Variants in VWA2 observed in about 807,000 individuals in gnomAD.
VWA2 encodes the protein von Willebrand factor A domain containing 2.
VWA2 carries 73 observed loss-of-function variants against 70.4 expected under a neutral mutation model. That is an observed-to-expected ratio of 1.04 (90% confidence interval 0.86 to 1.26). The LOEUF is 1.26. Among genes scored for constraint, VWA2 ranks in the 50% most tolerant of loss-of-function variants. The pLI, the probability that VWA2 is intolerant of heterozygous loss-of-function variation, is 0.00. For missense variants in VWA2, 1,011 were observed against 998.5 expected (o/e 1.01, Z -0.17); for synonymous variants, 407 against 423.3 (o/e 0.96, Z 0.47).
intron 4 of VWA2, among the ~76,000 whole-genome samples, chr10:114,255,712 A>G (rs1171392845): frequency 1.3e-5 from 2 of 152,166 alleles, no homozygotes; most frequent in African/African-American, 2.4e-5. Flanking sequence ...TGTTCTTCAA[A>G]TAGTAGGTCT....
intron 5 of VWA2, among the ~76,000 whole-genome samples, chr10:114,264,730 C>CT (rs933380552): frequency 2.0e-5 from 3 of 146,974 alleles, no homozygotes; most frequent in Admixed American, 6.8e-5. Flanking sequence ...ACTTTTTTTT[C>CT]TTTTTTTGAG....
intron 6 of VWA2, among the ~76,000 whole-genome samples, chr10:114,274,568 G>A (rs980421896): frequency 1.3e-5 from 2 of 152,116 alleles, no homozygotes; most frequent in East Asian, 3.9e-4. Context: ...TCCGCCTCCT[G>A]GGTTCAAGCG....
chr10:114,244,031 G>A (rs1471270291), intron 1 of VWA2, among the ~76,000 whole-genome samples: 1 of 152,226 alleles, frequency 6.6e-6, no homozygotes, highest in Non-Finnish European at 1.5e-5. Context: ...GATGAGCGAG[G>A]TGTAACGGAA....
intron 8 of VWA2, among the ~76,000 whole-genome samples, chr10:114,279,437 G>A (rs1010285818): frequency 3.3e-5 from 5 of 152,156 alleles, no homozygotes; most frequent in Non-Finnish European, 7.4e-5. Context: ...CCTTTCTGGG[G>A]GGCCGGGGCA....
intron 4 of VWA2, among the ~76,000 whole-genome samples, chr10:114,259,477 T>C (rs2037398841): frequency 6.6e-6 from 1 of 152,132 alleles, no homozygotes; most frequent in African/African-American, 2.4e-5. Flanking sequence ...AAGTTGTTTT[T>C]TTTTTTTCAT....
chr10:114,273,369 G>A (rs1296561986), intron 6 of VWA2, among the ~76,000 whole-genome samples: 2 of 152,132 alleles, frequency 1.3e-5, no homozygotes, highest in African/African-American at 4.8e-5. Flanking sequence ...TGTGGACGGT[G>A]CCCAGCTCAC....
chr10:114,279,434 G>A (rs541971384), intron 8 of VWA2, among the ~76,000 whole-genome samples: 1 of 151,962 alleles, frequency 6.6e-6, no homozygotes, highest in African/African-American at 2.4e-5. Context: ...CTCCCTTTCT[G>A]GGGGGCCGGG....
chr10:114,275,641 A>G (rs2037825490), intron 6 of VWA2, among the ~76,000 whole-genome samples: 1 of 152,158 alleles, frequency 6.6e-6, no homozygotes, highest in African/African-American at 2.4e-5. Flanking sequence ...ATACAATAAA[A>G]ATGAGGCCGG....
intron 1 of VWA2, among the ~76,000 whole-genome samples, chr10:114,240,126 TGA>T (rs1384793768): frequency 1.3e-5 from 2 of 152,120 alleles, no homozygotes; most frequent in Non-Finnish European, 2.9e-5. Context: ...AAGCAGAACC[TGA>T]GAGGGGCCGG....
chr10:114,245,919 A>G (rs1345234574), intron 1 of VWA2, among the ~76,000 whole-genome samples: 11 of 152,222 alleles, frequency 7.2e-5, no homozygotes, highest in Admixed American at 7.2e-4. Flanking sequence ...GGAGCTCTAT[A>G]GACAGTTCCA....
At chr10:114,258,265 C>T (rs2037372427) in intron 4 of VWA2, among the ~76,000 whole-genome samples, 1 of 152,108 alleles carries the variant, frequency 6.6e-6, no homozygotes, top group Admixed American at 6.5e-5. Context: ...CCATGTTTTA[C>T]TTTTTTTAAC....
At chr10:114,249,188 G>A (rs1417123845) in intron 2 of VWA2, among the ~76,000 whole-genome samples, 3 of 151,886 alleles carry the variant, frequency 2.0e-5, no homozygotes, top group Non-Finnish European at 2.9e-5. Flanking sequence ...CCCACCACTC[G>A]ACAGGCCCCA....
At chr10:114,278,940 C>A (rs984844898) in intron 8 of VWA2, 89 bp downstream of exon 8, 7 of 1,563,026 alleles carry the variant, frequency 4.5e-6, no homozygotes, top group Non-Finnish European at 6.1e-6. Context: ...GGGGCCCTGC[C>A]ATGGAGATTG....
intron 5 of VWA2, among the ~76,000 whole-genome samples, chr10:114,266,008 C>A (rs185873477): frequency 1.7e-4 from 26 of 152,020 alleles, no homozygotes; most frequent in Middle Eastern, 3.4e-3. Flanking sequence ...TTTAAATTTT[C>A]AACTTTTGGC....
intron 7 of VWA2, 70 bp from the exon 8 acceptor site, chr10:114,278,649 G>A: frequency 1.3e-6 from 2 of 1,593,486 alleles, no homozygotes; most frequent in Admixed American, 3.4e-5. Flanking sequence ...AGCTGCTGGG[G>A]AAGCGTGTGT....
chr10:114,266,505 A>G (rs1192780495), intron 5 of VWA2, among the ~76,000 whole-genome samples: 1 of 152,162 alleles, frequency 6.6e-6, no homozygotes, highest in African/African-American at 2.4e-5. Context: ...TTCCAGACCG[A>G]GGCAGTCCCC....
At chr10:114,251,741 C>G (rs548036907) in intron 2 of VWA2, among the ~76,000 whole-genome samples, 3 of 151,622 alleles carry the variant, frequency 2.0e-5, no homozygotes, top group Non-Finnish European at 2.9e-5. Flanking sequence ...GGAACAGAAC[C>G]GCATTATGGG....
intron 5 of VWA2, 57 bp from the exon 6 acceptor site, chr10:114,272,683 A>T: frequency 6.9e-7 from 1 of 1,450,574 alleles, no homozygotes; most frequent in Non-Finnish European, 9.2e-7. Context: ...TCTCATCCCA[A>T]CTTCACCTCC....
intron 1 of VWA2, among the ~76,000 whole-genome samples, chr10:114,240,621 A>G (rs1335155044): frequency 6.6e-6 from 1 of 152,220 alleles, no homozygotes; most frequent in Non-Finnish European, 1.5e-5. Flanking sequence ...TTAAGGTGAC[A>G]CTATATTAAG....
Sources: allele counts gnomAD v4.1 joint callset (sites outside exome capture counted in the v4.1 genomes callset), GRCh38; gene constraint gnomAD v4.1.1; transcripts MANE v1.5; gene names NCBI Gene and HGNC (gene_info 2026-07-23, HGNC 2026-07-21).